The following ALDH6A1 variants were observed in gnomAD, a reference collection of about 807,000 sequenced individuals.
The protein encoded by ALDH6A1 is aldehyde dehydrogenase 6 family member A1.
In ALDH6A1, 43 loss-of-function variants were observed where a neutral mutation model predicts 62.6. The observed-to-expected ratio is 0.69, with a 90% CI of 0.54 to 0.89. ALDH6A1 has a LOEUF of 0.89. ALDH6A1 is among the 40% of genes least tolerant of loss of function. The pLI is 0.00. For synonymous variants in ALDH6A1, 194 were observed against 234.2 expected, an observed-to-expected ratio of 0.83 and a Z score of 1.57; for missense variants, 551 against 661.3, an observed-to-expected ratio of 0.83 and a Z score of 1.83.
In ALDH6A1 at chr14:74,084,378, G is replaced by GCCA. The variant is rs769351258; in HGVS notation, c.14_16dup (p.Leu5_Ala6insVal). 2.6e-5 allele frequency: 42 copies of GCCA among 1,613,488 alleles called. No individual in the cohort carries two copies. The African/African-American group carries it at 4.5e-4, about 17-fold the overall frequency. On this transcript the variant is annotated inframe_insertion, in exon 1 of 12. Transcript: ENST00000553458. ...GATCCGGGCTCGCACTGCCGCCGCC[G>GCCA]CCAATAGCGCCGCCATGGCTCTCGG...
chr14:74,077,969 G>A (rs535424921), intron 1 of ALDH6A1, among the ~76,000 whole-genome samples: 6 of 152,152 alleles, frequency 3.9e-5, no homozygotes, highest in South Asian at 2.1e-4. Context: ...ATAACGGCAC[G>A]GTGATTTCTG....
At position 74,071,936 on chromosome 14, in the gene ALDH6A1, C is replaced by T. The variant is rs757916989; in HGVS notation, c.387G>A (p.Lys129=). ...CATCTCCTTCAGCATCAGCTAGGGT[C>T]TTCCCTTGTTCCAATGTGATTAACT... ...IAKLITLEQG[K]TLADAEGDVF... The change falls in exon 5 of 12, where the codon AAG becomes AAA. Residue 129 remains lysine (K), a synonymous_variant. Coordinates refer to ENST00000553458, the MANE Select transcript of ALDH6A1 (RefSeq NM_005589.4). 2 of 1,614,214 alleles carry T rather than the reference C, an allele frequency of 1.2e-6. No homozygotes were observed. Among genetic ancestry groups the T allele is most frequent in the Non-Finnish European group, 1.7e-6 (2 of 1,180,034 alleles).
chr14:74,060,828 A>G (rs2060323386), intron 11 of ALDH6A1, 82 bp from the exon 12 acceptor site: 12 of 955,058 alleles, frequency 1.3e-5, no homozygotes, highest in Middle Eastern at 2.2e-4. Flanking sequence ...AGGAGGTATT[A>G]TAAAGTGCTA....
chr14:74,069,097 T>TTTTA, intron 6 of ALDH6A1, 116 bp from the exon 7 acceptor site: 9 of 1,034,406 alleles, frequency 8.7e-6, no homozygotes, highest in South Asian at 1.5e-5. Flanking sequence ...TTCTTTTACT[T>TTTTA]TTTCTTTTTT....
chr14:74,062,498 G>A (rs2060369601), intron 11 of ALDH6A1, among the ~76,000 whole-genome samples: 1 of 152,084 alleles, frequency 6.6e-6, no homozygotes, highest in Non-Finnish European at 1.5e-5. Flanking sequence ...CTACTCGGGA[G>A]GCATAGATAC....
chr14:74,084,175 G>C (rs1165059706), intron 1 of ALDH6A1, among the ~76,000 whole-genome samples, 172 bp downstream of exon 1: 1 of 152,180 alleles, frequency 6.6e-6, no homozygotes, highest in African/African-American at 2.4e-5. Context: ...CCGGGACCAG[G>C]GAGGTTATGA....
chr14:74,070,129 C>T (rs1441868442), intron 6 of ALDH6A1, among the ~76,000 whole-genome samples: 13 of 152,170 alleles, frequency 8.5e-5, no homozygotes, highest in Admixed American at 5.2e-4. Context: ...GTATGTGCCA[C>T]TGCACCCAGC....
Position 74,084,445 on chromosome 14 carries a change from A to C in ALDH6A1, c.-51T>G. 1 of 1,604,776 alleles carries C rather than the reference A, an allele frequency of 6.2e-7. No individual in the cohort carries two copies. Among genetic ancestry groups the C allele is most frequent in the Non-Finnish European group, 8.5e-7 (1 of 1,177,100 alleles). The stretch of plus-strand genomic sequence containing the variant: ...CCCCGCGCCTCTACTGCCCAGAAGC[A>C]CTACAGCTGCCAGGCCTCGCCCTCC... On this transcript the variant is annotated 5_prime_UTR_variant, in exon 1 of 12. Coordinates refer to ENST00000553458, the MANE Select transcript of ALDH6A1 (RefSeq NM_005589.4).
chr14:74,065,738 G>T, intron 9 of ALDH6A1: 1 of 215,334 alleles, frequency 4.6e-6, no homozygotes, highest in East Asian at 1.2e-4. Flanking sequence ...AATATACCAG[G>T]ATAATTTTTC....
In ALDH6A1 at chr14:74,058,050, A is replaced by C. The variant is rs1180693526; in HGVS notation, c.*2592T>G. The C allele has an allele frequency of 7.3e-6, 3 of 413,270 alleles. No individual in the cohort carries two copies. The highest frequency in any genetic ancestry group is 9.8e-6 in the Non-Finnish European group (3 of 306,656). 25.6% of individuals were successfully genotyped at this position (413,270 alleles called of 1,614,324 possible). A position where few individuals can be genotyped will look rare whatever the true frequency, so the allele number is the denominator to read the frequency against. ...TGGATTAAATATCACTACCAGGGCC[A>C]GGTGCGGTGGTTCACGCCTGTAATC... On this transcript the variant is annotated 3_prime_UTR_variant, in exon 12 of 12. Coordinates refer to ENST00000553458, the MANE Select transcript of ALDH6A1 (RefSeq NM_005589.4).
At chr14:74,074,288 A>AT (rs35478388) in intron 2 of ALDH6A1, among the ~76,000 whole-genome samples, 15,669 of 130,068 alleles carry the variant, frequency 0.12, 1,098 homozygotes, top group Admixed American at 0.2. Context: ...CTTTCACTAA[A>AT]TTTTTTTTTT....
chr14:74,065,159 C>T (rs759410419), intron 10 of ALDH6A1, 22 bp downstream of exon 10: 4 of 1,612,914 alleles, frequency 2.5e-6, no homozygotes, highest in Non-Finnish European at 3.4e-6. Context: ...ATAAGAATCT[C>T]TTAAAAATTC....
intron 1 of ALDH6A1, among the ~76,000 whole-genome samples, chr14:74,082,581 G>A (rs2060681519): frequency 6.6e-6 from 1 of 151,822 alleles, no homozygotes; most frequent in Non-Finnish European, 1.5e-5. Context: ...TGTATTTTTA[G>A]TAGAGAAGGG....
At chr14:74,073,006 G>A (rs1372063549) in intron 2 of ALDH6A1, among the ~76,000 whole-genome samples, 2 of 152,186 alleles carry the variant, frequency 1.3e-5, no homozygotes, top group Non-Finnish European at 2.9e-5. Context: ...CACCATGTCG[G>A]CCAGACTGAT....
chr14:74,071,158 A>T, intron 6 of ALDH6A1, 37 bp downstream of exon 6: 1 of 1,584,038 alleles, frequency 6.3e-7, no homozygotes, highest in Non-Finnish European at 8.7e-7. Flanking sequence ...ATTTTTTGGT[A>T]GCCAGATTAA....
At chr14:74,071,675 T>C in intron 5 of ALDH6A1, 178 bp from the exon 6 acceptor site, 7 of 1,515,972 alleles carry the variant, frequency 4.6e-6, no homozygotes, top group Non-Finnish European at 6.2e-6. Flanking sequence ...ATGGGAAAAA[T>C]ACAGCGATAT....
intron 1 of ALDH6A1, among the ~76,000 whole-genome samples, chr14:74,082,106 G>A (rs1396192004): frequency 6.6e-6 from 1 of 152,166 alleles, no homozygotes; most frequent in Non-Finnish European, 1.5e-5. Flanking sequence ...TCGGAGGGCT[G>A]AGATGGAAGA....
chr14:74,081,447 T>C (rs1294268426), intron 1 of ALDH6A1, among the ~76,000 whole-genome samples: 2 of 152,196 alleles, frequency 1.3e-5, no homozygotes, highest in East Asian at 3.8e-4. Flanking sequence ...CTCCCTGCTG[T>C]TAAGAGGATG....
At chr14:74,073,164 T>A (rs560821245) in intron 2 of ALDH6A1, among the ~76,000 whole-genome samples, 30 of 152,138 alleles carry the variant, frequency 2.0e-4, no homozygotes, top group African/African-American at 5.8e-4. Flanking sequence ...TGGAGTGTAG[T>A]GTGATCATGA....
Sources: allele counts gnomAD v4.1 joint callset (sites outside exome capture counted in the v4.1 genomes callset), GRCh38; gene constraint gnomAD v4.1.1; transcripts MANE v1.5; gene names NCBI Gene and HGNC (gene_info 2026-07-23, HGNC 2026-07-21).